The following SYN2 variants were observed in gnomAD, a reference collection of about 807,000 sequenced individuals.
The protein encoded by SYN2 is synapsin-2.
SYN2 carries 19 observed loss-of-function variants against 50.9 expected under a neutral mutation model. The observed-to-expected ratio is 0.37, with a 90% CI of 0.26 to 0.55. The LOEUF is 0.55. Ranked by LOEUF, SYN2 falls within the 20% of genes least tolerant of loss-of-function variation. The pLI is 0.81. For synonymous variants in SYN2, 255 were observed against 224.9 expected (o/e 1.13, Z -1.20); for missense variants, 587 against 576.4 (o/e 1.02, Z -0.19).
At chr3:12,124,975 T>C (rs1000058253) in intron 1 of SYN2, among the ~76,000 whole-genome samples, 1 of 152,122 alleles carries the variant, frequency 6.6e-6, no homozygotes, top group Non-Finnish European at 1.5e-5. Flanking sequence ...GTATGACAAA[T>C]AATGAAATTA....
chr3:12,111,604 T>C (rs927130102), intron 1 of SYN2, among the ~76,000 whole-genome samples: 9 of 152,340 alleles, frequency 5.9e-5, no homozygotes, highest in African/African-American at 2.2e-4. Flanking sequence ...TTTCATCTTT[T>C]AGCAGATCTT....
In SYN2 at chr3:12,007,104, C is replaced by T. The variant is rs145164299; in HGVS notation, c.377+2176C>T. ...GCAGATTTCTGTTTAGTTATAAATG[C>T]TTCTGTAGCTTAAGATTTGAAACTC... is the stretch of plus-strand genomic sequence containing the variant. On this transcript the variant is annotated intron_variant, in intron 1 of 12. Transcript: ENST00000621198. Among the ~76,000 whole-genome samples the T allele has an allele frequency of 2.7e-3, 408 of 152,246 alleles. 2 individuals are homozygous for T. The highest frequency in any genetic ancestry group is 9.6e-3 in the African/African-American group (397 of 41,536).
chr3:12,157,942 T>A (rs1697506682), intron 5 of SYN2, among the ~76,000 whole-genome samples: 1 of 152,220 alleles, frequency 6.6e-6, no homozygotes, highest in Non-Finnish European at 1.5e-5. Context: ...AGGTATTGCA[T>A]CTCTTGCCAT....
chr3:12,012,152 A>C (rs1007636913), intron 1 of SYN2, among the ~76,000 whole-genome samples: 1 of 151,876 alleles, frequency 6.6e-6, no homozygotes, highest in Non-Finnish European at 1.5e-5. Context: ...TCAAAAGGCA[A>C]TATAACTTAG....
At chr3:12,082,131 T>G (rs1423457010) in intron 1 of SYN2, among the ~76,000 whole-genome samples, 2 of 152,176 alleles carry the variant, frequency 1.3e-5, no homozygotes, top group Non-Finnish European at 2.9e-5. Context: ...AAATGAGCAT[T>G]GGGCAAAGTC....
At chr3:12,184,828 G>T (rs908818660) in intron 11 of SYN2, 15 of 985,674 alleles carry the variant, frequency 1.5e-5, no homozygotes, top group Non-Finnish European at 1.7e-5. Context: ...GCACCAAGCA[G>T]CCGCCTCTAA....
intron 1 of SYN2, among the ~76,000 whole-genome samples, chr3:12,009,242 A>T (rs1693866698): frequency 6.6e-6 from 1 of 152,162 alleles, no homozygotes; most frequent in African/African-American, 2.4e-5. Flanking sequence ...GGAAATCTCG[A>T]TCTCGAGAGG....
At chr3:12,190,134 A>G (rs1303294009) in intron 12 of SYN2, among the ~76,000 whole-genome samples, 1 of 152,236 alleles carries the variant, frequency 6.6e-6, no homozygotes, top group African/African-American at 2.4e-5. Flanking sequence ...TGAGATTCCT[A>G]GGTTAGTTCT....
intron 1 of SYN2, among the ~76,000 whole-genome samples, chr3:12,053,951 A>T (rs1694929189): frequency 6.6e-6 from 1 of 152,122 alleles, no homozygotes; most frequent in Admixed American, 6.5e-5. Flanking sequence ...TAGATAACAG[A>T]GCTTGAGGCA....
intron 12 of SYN2, 127 bp downstream of exon 12, chr3:12,187,739 G>GT (rs772251658): frequency 9.5e-4 from 467 of 490,588 alleles, no homozygotes; most frequent in Non-Finnish European, 1.1e-3. Context: ...ATGGGATTTG[G>GT]TTTTTTTTTG....
At chr3:12,048,566 G>T (rs768378082) in intron 1 of SYN2, among the ~76,000 whole-genome samples, 2 of 152,208 alleles carry the variant, frequency 1.3e-5, no homozygotes, top group Non-Finnish European at 2.9e-5. Flanking sequence ...GTGATTTATT[G>T]TAAAGATGAT....
rs544148447 is a variant in SYN2, at chr3:12,050,810, A to G, written c.377+45882A>G. ...GACTGCAGTGGCGCGATCTCGGCTCACTGCAAGCTCCGCTTCCCGGGTTCA... is the reference window on the plus strand; with the variant it reads ...GACTGCAGTGGCGCGATCTCGGCTCGCTGCAAGCTCCGCTTCCCGGGTTCA... On this transcript the variant is annotated intron_variant, in intron 1 of 12. Transcript: ENST00000621198. Among the ~76,000 whole-genome samples, 4 of 130,496 alleles carry G rather than the reference A, an allele frequency of 3.1e-5. 1 individual carries two copies. In the South Asian group the frequency reaches 1.0e-3, roughly 34 times the overall value. 85.6% of individuals were successfully genotyped at this position (130,496 alleles called of 152,430 possible). A position where few individuals can be genotyped will look rare whatever the true frequency, so the allele number is the denominator to read the frequency against.
intron 1 of SYN2, among the ~76,000 whole-genome samples, chr3:12,050,234 C>G (rs1423890244): frequency 6.6e-6 from 1 of 151,606 alleles, no homozygotes; most frequent in East Asian, 1.9e-4. Flanking sequence ...GGTTATAATT[C>G]TCTGCAAGAT....
At chr3:12,077,028 G>A (rs182521215) in intron 1 of SYN2, among the ~76,000 whole-genome samples, 90 of 152,208 alleles carry the variant, frequency 5.9e-4, no homozygotes, top group Non-Finnish European at 9.7e-4. Flanking sequence ...GTTGGAAGTG[G>A]AGTTACAGTT....
intron 1 of SYN2, among the ~76,000 whole-genome samples, chr3:12,089,101 A>G (rs1204304006): frequency 6.6e-6 from 1 of 152,252 alleles, no homozygotes; most frequent in African/African-American, 2.4e-5. Context: ...ACATATACAC[A>G]TATCAAGACA....
intron 1 of SYN2, among the ~76,000 whole-genome samples, chr3:12,032,957 C>T (rs1223811218): frequency 9.4e-6 from 1 of 106,870 alleles, no homozygotes; most frequent in Non-Finnish European, 1.9e-5. Flanking sequence ...GAGAGGCGCT[C>T]TGCGTTTTAG....
At chr3:12,168,284 G>C in intron 8 of SYN2, 92 bp from the exon 9 acceptor site, 2 of 948,724 alleles carry the variant, frequency 2.1e-6, no homozygotes, top group Non-Finnish European at 3.3e-6. Context: ...GGAGGTGGGA[G>C]AGATGGAGGC....
chr3:12,086,853 C>A (rs1397432516), intron 1 of SYN2, among the ~76,000 whole-genome samples: 4 of 151,990 alleles, frequency 2.6e-5, no homozygotes, highest in African/African-American at 9.7e-5. Flanking sequence ...TACTAGAATT[C>A]CTAGCTAGAG....
At chr3:12,069,397 T>C (rs1695293265) in intron 1 of SYN2, among the ~76,000 whole-genome samples, 1 of 151,856 alleles carries the variant, frequency 6.6e-6, no homozygotes. Context: ...TACAGGCACA[T>C]GCCACCACGT....
Sources: gnomAD v4.1 joint callset for allele counts (sites outside exome capture counted in the v4.1 genomes callset) on GRCh38, gnomAD v4.1.1 for gene constraint, MANE v1.5 for transcripts, NCBI Gene and HGNC (gene_info 2026-07-23, HGNC 2026-07-21) for gene names.